Variants in MAML2 observed in about 807,000 individuals in gnomAD.
MAML2 encodes the protein mastermind-like protein 2.
In MAML2, 22 loss-of-function variants were observed where a neutral mutation model predicts 96.1. The ratio of observed to expected loss-of-function variants is 0.23; its 90% CI spans 0.16 to 0.33. The LOEUF (loss-of-function observed/expected upper bound fraction) is 0.33, where lower values mean the gene tolerates loss of function less well. Among genes scored for constraint, MAML2 ranks in the 10% least tolerant of loss-of-function variants. The pLI is 1.00. For missense variants in MAML2, 1,367 were observed against 1,392.4 expected, an observed-to-expected ratio of 0.98 and a Z score of 0.29; for synonymous variants, 561 against 521.3, an observed-to-expected ratio of 1.08 and a Z score of -1.04.
At chr11:96,094,702 A>G in intron 1 of MAML2, among the ~76,000 whole-genome samples, 1 of 152,212 alleles carries the variant, frequency 6.6e-6, no homozygotes, top group East Asian at 1.9e-4. Context: ...ATCCTTGTTG[A>G]TTTGTCTCTG....
At chr11:96,173,873 T>G (rs1336833926) in intron 1 of MAML2, among the ~76,000 whole-genome samples, 3 of 152,270 alleles carry the variant, frequency 2.0e-5, no homozygotes, top group Non-Finnish European at 4.4e-5. Context: ...TATGTACTAT[T>G]GTTTTTGCTC....
intron 2 of MAML2, among the ~76,000 whole-genome samples, chr11:96,034,787 T>C (rs1015085434): frequency 1.3e-5 from 2 of 152,202 alleles, no homozygotes; most frequent in South Asian, 2.1e-4. Context: ...CTATCCACTA[T>C]AAATTTGAGG....
intron 1 of MAML2, among the ~76,000 whole-genome samples, chr11:96,254,505 G>A (rs1383242056): frequency 6.7e-6 from 1 of 150,336 alleles, no homozygotes. Flanking sequence ...TCTTGTAAGT[G>A]TACTATCAGC....
chr11:95,993,305 T>C (rs113105272), intron 2 of MAML2, among the ~76,000 whole-genome samples: 8,084 of 152,094 alleles, frequency 0.053, 257 homozygotes, highest in Middle Eastern at 0.1. Flanking sequence ...CGGTGGCTCA[T>C]GCCTGTAAAC....
At chr11:96,313,425 T>C (rs1231030171) in intron 1 of MAML2, among the ~76,000 whole-genome samples, 1 of 152,120 alleles carries the variant, frequency 6.6e-6, no homozygotes, top group Non-Finnish European at 1.5e-5. Flanking sequence ...CACTGCCTCA[T>C]TGCATTTCCC....
intron 1 of MAML2, among the ~76,000 whole-genome samples, chr11:96,113,808 C>T (rs915420612): frequency 5.3e-5 from 8 of 152,056 alleles, no homozygotes; most frequent in African/African-American, 1.9e-4. Flanking sequence ...TTAAGCTCTA[C>T]TGAGGCCTTG....
intron 2 of MAML2, among the ~76,000 whole-genome samples, chr11:96,080,321 A>T (rs945112062): frequency 6.6e-6 from 1 of 152,256 alleles, no homozygotes; most frequent in African/African-American, 2.4e-5. Context: ...GCAACTAAAA[A>T]TGATGAAAGT....
chr11:96,051,068 A>T (rs1858982677), intron 2 of MAML2, among the ~76,000 whole-genome samples: 1 of 148,984 alleles, frequency 6.7e-6, no homozygotes, highest in Non-Finnish European at 1.5e-5. Flanking sequence ...TTTCCTTTGG[A>T]TAATCTGTGA....
chr11:96,176,258 A>C (rs1334361857), intron 1 of MAML2, among the ~76,000 whole-genome samples: 1 of 152,216 alleles, frequency 6.6e-6, no homozygotes, highest in Non-Finnish European at 1.5e-5. Flanking sequence ...ATAAAAACTT[A>C]ATATTTGTTA....
chr11:96,238,627 A>T (rs1862394807), intron 1 of MAML2, among the ~76,000 whole-genome samples: 1 of 152,188 alleles, frequency 6.6e-6, no homozygotes, highest in African/African-American at 2.4e-5. Flanking sequence ...CTGCAGACAA[A>T]ACTTCCTTTA....
intron 1 of MAML2, among the ~76,000 whole-genome samples, chr11:96,214,999 T>C (rs1322804570): frequency 6.6e-6 from 1 of 152,222 alleles, no homozygotes; most frequent in South Asian, 2.1e-4. Context: ...TTGGGTCCAG[T>C]GGTTCCCTCA....
intron 1 of MAML2, among the ~76,000 whole-genome samples, chr11:96,191,671 C>G (rs1267479885): frequency 6.7e-6 from 1 of 148,282 alleles, no homozygotes; most frequent in Non-Finnish European, 1.5e-5. Flanking sequence ...ACTCGGGAAG[C>G]TGAGGCAGGA....
At chr11:96,207,952 G>A (rs745751710) in intron 1 of MAML2, among the ~76,000 whole-genome samples, 3 of 152,104 alleles carry the variant, frequency 2.0e-5, no homozygotes, top group Non-Finnish European at 4.4e-5. Flanking sequence ...TATTCAGAGA[G>A]GAAGCTGTCT....
intron 1 of MAML2, among the ~76,000 whole-genome samples, chr11:96,187,394 A>AT (rs2135917399): frequency 6.6e-6 from 1 of 152,376 alleles, no homozygotes; most frequent in African/African-American, 2.4e-5. Context: ...AGATGAATGA[A>AT]TAAACAAAAG....
chr11:96,042,744 CTTTTTT>C (rs767509829), intron 2 of MAML2, among the ~76,000 whole-genome samples: 1 of 116,260 alleles, frequency 8.6e-6, no homozygotes, highest in Non-Finnish European at 1.7e-5. Flanking sequence ...CGTTAACGTT[CTTTTTT>C]TTTTTTTTTT....
intron 1 of MAML2, among the ~76,000 whole-genome samples, chr11:96,111,926 T>C (rs2135833365): frequency 7.4e-6 from 1 of 135,768 alleles, no homozygotes; most frequent in African/African-American, 2.8e-5. Flanking sequence ...TATGTGTCCA[T>C]TCACAAGGTT....
intron 1 of MAML2, among the ~76,000 whole-genome samples, chr11:96,232,246 T>C (rs955291793): frequency 2.0e-5 from 3 of 152,152 alleles, no homozygotes; most frequent in African/African-American, 7.2e-5. Flanking sequence ...GCTGCACAGA[T>C]TATGTGCGTA....
intron 1 of MAML2, among the ~76,000 whole-genome samples, chr11:96,130,691 A>T (rs545756246): frequency 7.6e-4 from 115 of 152,210 alleles, no homozygotes; most frequent in African/African-American, 2.7e-3. Flanking sequence ...AAGATTCTCC[A>T]TTTCCTACAA....
intron 2 of MAML2, among the ~76,000 whole-genome samples, chr11:96,077,844 A>G (rs1859468448): frequency 6.6e-6 from 1 of 152,154 alleles, no homozygotes; most frequent in South Asian, 2.1e-4. Context: ...CAAAACTATT[A>G]TATCTTGATA....
Sources: gnomAD v4.1 joint callset for allele counts (sites outside exome capture counted in the v4.1 genomes callset) on GRCh38, gnomAD v4.1.1 for gene constraint, MANE v1.5 for transcripts, NCBI Gene and HGNC (gene_info 2026-07-23, HGNC 2026-07-21) for gene names.